Variants in ZNF423 observed in about 807,000 individuals in gnomAD.
ZNF423 encodes the protein zinc finger protein 423, also known as Ebf-associated zinc finger protein.
In ZNF423, 12 loss-of-function variants were observed where a neutral mutation model predicts 95.8. The ratio of observed to expected loss-of-function variants is 0.13; its 90% CI spans 0.08 to 0.20. The LOEUF is 0.20. Ranked by LOEUF, ZNF423 falls within the 10% of genes least tolerant of loss-of-function variation. The pLI is 1.00. For synonymous variants in ZNF423, 749 were observed against 711.9 expected (o/e 1.05, Z -0.83); for missense variants, 1,316 against 1,737.1 (o/e 0.76, Z 4.31).
chr16:49,790,376 C>T (rs1414496811), intron 1 of ZNF423, among the ~76,000 whole-genome samples: 1 of 152,264 alleles, frequency 6.6e-6, no homozygotes, highest in Non-Finnish European at 1.5e-5. Context: ...CACACTGAGC[C>T]AGGCACTGTG....
At chr16:49,753,605 A>G (rs988965068) in intron 2 of ZNF423, among the ~76,000 whole-genome samples, 1 of 151,928 alleles carries the variant, frequency 6.6e-6, no homozygotes, top group African/African-American at 2.4e-5. Context: ...CCTATTTAAA[A>G]AAAAAAAAAA....
chr16:49,753,829 G>A (rs35993010), intron 2 of ZNF423, among the ~76,000 whole-genome samples: 23,492 of 151,728 alleles, frequency 0.15, 1,930 homozygotes, highest in South Asian at 0.26. Flanking sequence ...TCAGGAGTTC[G>A]AGACCAGCCT....
At chr16:49,654,158 T>A (rs1395007623) in intron 3 of ZNF423, among the ~76,000 whole-genome samples, 1 of 152,146 alleles carries the variant, frequency 6.6e-6, no homozygotes, top group Admixed American at 6.5e-5. Context: ...CAGAAAGCCA[T>A]CAAGACCACC....
intron 5 of ZNF423, among the ~76,000 whole-genome samples, chr16:49,532,160 G>A (rs1196952516): frequency 6.6e-6 from 1 of 152,168 alleles, no homozygotes; most frequent in Non-Finnish European, 1.5e-5. Context: ...CGTCAGCAAT[G>A]AAAAATATTT....
intron 5 of ZNF423, among the ~76,000 whole-genome samples, chr16:49,608,681 C>G (rs1215122604): frequency 6.6e-6 from 1 of 152,140 alleles, no homozygotes; most frequent in Non-Finnish European, 1.5e-5. Context: ...GAAACACCAA[C>G]AAGGATTTTG....
intron 3 of ZNF423, among the ~76,000 whole-genome samples, chr16:49,703,526 C>G (rs1237855937): frequency 1.3e-5 from 2 of 152,196 alleles, no homozygotes; most frequent in Non-Finnish European, 2.9e-5. Flanking sequence ...CTGTCTTTTT[C>G]CTCCTTTCAG....
At chr16:49,723,988 C>T (rs1278744417) in intron 3 of ZNF423, among the ~76,000 whole-genome samples, 1 of 152,234 alleles carries the variant, frequency 6.6e-6, no homozygotes, top group Non-Finnish European at 1.5e-5. Flanking sequence ...CCTTCTGATG[C>T]CTGCATACCC....
At chr16:49,503,090 A>G (rs1397099863) in intron 7 of ZNF423, among the ~76,000 whole-genome samples, 4 of 151,530 alleles carry the variant, frequency 2.6e-5, no homozygotes, top group African/African-American at 9.7e-5. Flanking sequence ...CACACACCCC[A>G]GTCCTGACAC....
intron 1 of ZNF423, among the ~76,000 whole-genome samples, chr16:49,844,989 C>G (rs143200645): frequency 5.5e-5 from 7 of 127,350 alleles, no homozygotes; most frequent in Non-Finnish European, 9.4e-5. Flanking sequence ...GAGCAGAGTT[C>G]GCGCCATTGC....
Position 49,603,413 on chromosome 16 carries a change from A to AT in ZNF423, c.3601+22756dup, listed in dbSNP as rs201248302. ...TTTATACCCTACTGTCACTGTCTAG[A>AT]TTTTTTTTTTCTTCAGACGAAGTCT... is the stretch of plus-strand genomic sequence containing the variant. On this transcript the variant is annotated intron_variant, in intron 5 of 7. Transcript: ENST00000563137. This position sits in a 1 kb window ranked among gnomAD's most constrained non-coding sequence, Gnocchi z 4.1. 4.7e-5 allele frequency among the ~76,000 whole-genome samples: 7 copies of AT among 150,408 alleles called. No individual in the cohort carries two copies. Among genetic ancestry groups the AT allele is most frequent in the African/African-American group, 1.2e-4 (5 of 40,772 alleles).
intron 7 of ZNF423, among the ~76,000 whole-genome samples, chr16:49,508,201 A>C (rs1967731355): frequency 6.6e-6 from 1 of 152,206 alleles, no homozygotes; most frequent in African/African-American, 2.4e-5. Context: ...ATGACTCTTT[A>C]TGATGATGGA....
chr16:49,537,442 T>C (rs1028552861), intron 5 of ZNF423, among the ~76,000 whole-genome samples: 3 of 152,242 alleles, frequency 2.0e-5, no homozygotes, highest in Non-Finnish European at 2.9e-5. Context: ...GTTTTTGCTG[T>C]GACCCAAGTA....
intron 5 of ZNF423, among the ~76,000 whole-genome samples, chr16:49,604,391 A>C (rs1363626794): frequency 6.6e-6 from 1 of 151,940 alleles, no homozygotes. Flanking sequence ...TTTCCAGTGA[A>C]AACTTCAAAG....
At chr16:49,528,679 C>G (rs551843449) in intron 5 of ZNF423, among the ~76,000 whole-genome samples, 21 of 152,230 alleles carry the variant, frequency 1.4e-4, no homozygotes, top group African/African-American at 4.8e-4. Flanking sequence ...GAAGACGAGG[C>G]CTTCTCCCCA....
intron 5 of ZNF423, among the ~76,000 whole-genome samples, chr16:49,536,220 A>T (rs1969049571): frequency 6.6e-6 from 1 of 152,188 alleles, no homozygotes; most frequent in Admixed American, 6.5e-5. Context: ...ACTCAAAGCA[A>T]AAAACCCCCA....
chr16:49,595,102 A>C (rs1489849689), intron 5 of ZNF423, among the ~76,000 whole-genome samples: 1 of 152,190 alleles, frequency 6.6e-6, no homozygotes, highest in Non-Finnish European at 1.5e-5. Context: ...GATCTGCGTC[A>C]CAGCTAAAGG....
intron 1 of ZNF423, among the ~76,000 whole-genome samples, chr16:49,843,999 T>C (rs542911579): frequency 1.8e-4 from 28 of 152,260 alleles, no homozygotes; most frequent in African/African-American, 5.3e-4. Context: ...CATTCTGTTT[T>C]ATTTAAAATT....
intron 1 of ZNF423, among the ~76,000 whole-genome samples, chr16:49,841,611 T>A (rs1027270736): frequency 5.9e-5 from 9 of 152,340 alleles, no homozygotes; most frequent in South Asian, 2.1e-4. Flanking sequence ...AGGCTTTACC[T>A]GATTCCCCTA....
At chr16:49,858,854 C>T (rs1304601933), upstream of ZNF423, among the ~76,000 whole-genome samples, 23 of 152,162 alleles carry the variant, frequency 1.5e-4, no homozygotes. The surrounding 1 kb of genome is among the most constrained non-coding windows in gnomAD (Gnocchi z 4.3). Context: ...CAGCCGCTCC[C>T]CCACCCCCGC....
Sources: allele counts gnomAD v4.1 joint callset (sites outside exome capture counted in the v4.1 genomes callset), GRCh38; gene constraint gnomAD v4.1.1; non-coding constraint Gnocchi (gnomAD v3.1); transcripts MANE v1.5; gene names NCBI Gene and HGNC (gene_info 2026-07-23, HGNC 2026-07-21).